Variants in CD37 observed in about 807,000 individuals in gnomAD.
CD37 encodes leukocyte antigen CD37.
CD37 carries 37 observed loss-of-function variants against 38.9 expected under a neutral mutation model. That is an observed-to-expected ratio of 0.95 (90% CI 0.73 to 1.25). The LOEUF (loss-of-function observed/expected upper bound fraction) is 1.25, where lower values mean the gene tolerates loss of function less well. CD37 is among the 50% of genes most tolerant of loss of function. The pLI is 0.00. For synonymous variants in CD37, 146 were observed against 150.1 expected (o/e 0.97, Z 0.20); for missense variants, 351 against 360.1 (o/e 0.97, Z 0.20).
rs1296002868 is a variant in CD37, at chr19:49,338,521, G to A, written c.448-179G>A. Among the ~76,000 whole-genome samples the A allele has an allele frequency of 6.6e-6, 1 of 151,754 alleles. No individual in the cohort carries two copies. Among genetic ancestry groups the A allele is most frequent in the African/African-American group, 2.4e-5 (1 of 41,280 alleles). On this transcript the variant is annotated intron_variant, in intron 5 of 7. Coordinates refer to ENST00000323906, the MANE Select transcript of CD37 (RefSeq NM_001774.3). This position sits in a 1 kb window ranked among gnomAD's most constrained non-coding sequence, Gnocchi z 5.0. ...CGTGACTCGTCTTTCCCAGCCCCATGTTCCCGTAATGTCCCCTGGCTCCGG... is the reference window on the plus strand; with the variant it reads ...CGTGACTCGTCTTTCCCAGCCCCATATTCCCGTAATGTCCCCTGGCTCCGG...
Position 49,335,897 on chromosome 19 carries a change from GC to G in CD37, c.142+112del. The G allele has an allele frequency of 6.9e-6, 6 of 864,848 alleles. No individual in the cohort carries two copies. Among genetic ancestry groups the G allele is most frequent in the Non-Finnish European group, 1.1e-5 (6 of 524,664 alleles). The allele number at this position is 864,848 out of a possible 1,614,324, so 53.6% of individuals were successfully genotyped here. A position where few individuals can be genotyped will look rare whatever the true frequency, so the allele number is the denominator to read the frequency against. On this transcript the variant is annotated intron_variant, in intron 2 of 7. Coordinates refer to ENST00000323906, the MANE Select transcript of CD37 (RefSeq NM_001774.3). This position sits in a 1 kb window ranked among gnomAD's most constrained non-coding sequence, Gnocchi z 4.6. ...GCCCTACTCTGCAGGCAGGCTACAG[GC>G]TCCCATCCACTGCTCACCGGAGGCT...
In CD37 at chr19:49,337,207, A is replaced by C. The variant is rs778766417; in HGVS notation, c.328A>C (p.Thr110Pro). ...GATCACCCTGGGAATCCTCATCTCC[A>C]CTCAGCGGGCCCAGGTGAGCTTCCT... ...TQITLGILIS[T>P]QRAQLERSLR... Residue 110 changes from threonine (T) to proline (P), a missense_variant, in exon 4 of 8, where the codon ACT becomes CCT. Thr to Pro is a conservative substitution (Grantham distance 38). Coordinates refer to ENST00000323906, the MANE Select transcript of CD37 (RefSeq NM_001774.3). 1.2e-6 allele frequency: 2 copies of C among 1,613,920 alleles called. No individual in the cohort carries two copies. The highest frequency in any genetic ancestry group is 1.7e-5 in the Admixed American group (1 of 59,986).
Position 49,336,894 on chromosome 19 carries a change from C to G in CD37, c.143-15C>G. The G allele has an allele frequency of 6.2e-7, 1 of 1,613,528 alleles. No homozygotes were observed. The highest frequency in any genetic ancestry group is 8.5e-7 in the Non-Finnish European group (1 of 1,179,608). On this transcript the variant is annotated splice_polypyrimidine_tract_variant and intron_variant, in intron 2 of 7. Transcript: ENST00000323906. ...GTGCCACACAGCTCATCATCACTCC[C>G]CTCACCTCTCCCAGGCTTGGCCTTC...
Position 49,338,889 on chromosome 19 carries a change from A to G in CD37, c.637A>G (p.Ser213Gly). Reference sequence around the variant, plus strand: ...TGGACACCTGGCGCGGTCCAGACACAGTGCAGACATCTGCGCTGTCCCTGC... The same window carrying G: ...TGGACACCTGGCGCGGTCCAGACACGGTGCAGACATCTGCGCTGTCCCTGC... ...RLGHLARSRH[S>G]ADICAVPAES... Residue 213 changes from serine to glycine, a missense_variant, in exon 6 of 8, where the codon AGT becomes GGT. Transcript: ENST00000323906. The surrounding 1 kb of genome is among the most constrained non-coding windows in gnomAD (Gnocchi z 5.0). 1 of 1,614,144 alleles carries G rather than the reference A, an allele frequency of 6.2e-7. No individual in the cohort carries two copies. Among genetic ancestry groups the G allele is most frequent in the Non-Finnish European group, 8.5e-7 (1 of 1,180,022 alleles).
intron 3 of CD37, 43 bp from the exon 4 acceptor site, chr19:49,337,104 G>T (rs376213637): frequency 3.1e-6 from 5 of 1,614,066 alleles, no homozygotes; most frequent in Non-Finnish European, 4.2e-6. Context: ...CTGGGCCGGG[G>T]TTGCAGGGGT....
chr19:49,339,490 T>G lies in CD37; in HGVS notation c.768+77T>G. The G allele has an allele frequency of 6.5e-7, 1 of 1,543,316 alleles. No individual in the cohort carries two copies. Among genetic ancestry groups the G allele is most frequent in the Non-Finnish European group, 8.9e-7 (1 of 1,127,114 alleles). The stretch of plus-strand genomic sequence containing the variant: ...CTGCCCTTCATTTCGCGTCCTTCGG[T>G]TGCCTGGGAAGGACGAGCTCAGGGC... On this transcript the variant is annotated intron_variant, in intron 7 of 7. Transcript: ENST00000323906. This position sits in a 1 kb window ranked among gnomAD's most constrained non-coding sequence, Gnocchi z 4.5.
rs763123502 is a variant in CD37 at position 49,339,449 on chromosome 19, A to G, written c.768+36A>G. 372 of 1,590,968 alleles carry G rather than the reference A, an allele frequency of 2.3e-4. No individual in the cohort carries two copies. The highest frequency in any genetic ancestry group is 3.1e-4 in the Non-Finnish European group (355 of 1,161,508). Reference sequence around the variant, plus strand: ...CCCGCCCCCACCCGCGATCGGCCCTAAATCCCTAGATGGCCCTGCCCTTCA... The same window carrying G: ...CCCGCCCCCACCCGCGATCGGCCCTGAATCCCTAGATGGCCCTGCCCTTCA... On this transcript the variant is annotated intron_variant, in intron 7 of 7. Coordinates refer to ENST00000323906, the MANE Select transcript of CD37 (RefSeq NM_001774.3). The surrounding 1 kb of genome is among the most constrained non-coding windows in gnomAD (Gnocchi z 4.5).
rs1971028583 is a variant in CD37, at chr19:49,338,088, G to A, written c.447+59G>A. 1 of 1,589,584 alleles carries A rather than the reference G, an allele frequency of 6.3e-7. No individual in the cohort carries two copies. Among genetic ancestry groups the A allele is most frequent in the Non-Finnish European group, 8.6e-7 (1 of 1,167,680 alleles). ...GACCCGCCTCAGCCCTGTGCTTGGAGGAGACTCCACCCCAACGTGGGCCCG... is the reference window on the plus strand; with the variant it reads ...GACCCGCCTCAGCCCTGTGCTTGGAAGAGACTCCACCCCAACGTGGGCCCG... On this transcript the variant is annotated intron_variant, in intron 5 of 7. Coordinates refer to ENST00000323906, the MANE Select transcript of CD37 (RefSeq NM_001774.3). The surrounding 1 kb of genome is among the most constrained non-coding windows in gnomAD (Gnocchi z 5.0).
chr19:49,336,972 T>C lies in CD37; in HGVS notation c.206T>C (p.Met69Thr), dbSNP rs1229446654. The C allele has an allele frequency of 6.2e-7, 1 of 1,614,084 alleles. No homozygotes were observed. Among genetic ancestry groups the C allele is most frequent in the African/African-American group, 1.3e-5 (1 of 74,950 alleles). The change falls in exon 3 of 8, where the codon ATG becomes ACG. Residue 69 changes from methionine (M) to threonine (T), a missense_variant. Physicochemically the swap from Met to Thr is moderately conservative, Grantham distance 81. Coordinates refer to ENST00000323906, the MANE Select transcript of CD37 (RefSeq NM_001774.3). Reference sequence around the variant, plus strand: ...CTGGCCATCTCAGGAATCTTCACCATGGGCATCGCCCTCCTGGGTTGTGTG... The same window carrying C: ...CTGGCCATCTCAGGAATCTTCACCACGGGCATCGCCCTCCTGGGTTGTGTG... ...KVLAISGIFTMGIALLGCVGA... is the reference protein window; with the variant it reads ...KVLAISGIFTTGIALLGCVGA...
Position 49,339,365 on chromosome 19 carries a change from C to T in CD37, c.720C>T (p.Asn240=). The change falls in exon 7 of 8, where the codon AAC becomes AAT. Residue 240 remains asparagine (N), a synonymous_variant. Coordinates refer to ENST00000323906, the MANE Select transcript of CD37 (RefSeq NM_001774.3). This position sits in a 1 kb window ranked among gnomAD's most constrained non-coding sequence, Gnocchi z 4.5. ...CAQGLQKWLH[N]NLISIVGICL... The stretch of plus-strand genomic sequence containing the variant: ...AGGGCCTCCAGAAGTGGCTGCACAA[C>T]AACCTTATTTCCATAGTGGGCATTT... 1.2e-6 allele frequency: 2 copies of T among 1,614,064 alleles called. No homozygotes were observed. The highest frequency in any genetic ancestry group is 1.7e-6 in the Non-Finnish European group (2 of 1,179,952).
Position 49,335,872 on chromosome 19 carries a change from G to A in CD37, c.142+86G>A. On this transcript the variant is annotated intron_variant, in intron 2 of 7. Transcript: ENST00000323906. This position sits in a 1 kb window ranked among gnomAD's most constrained non-coding sequence, Gnocchi z 4.6. Reference sequence around the variant, plus strand: ...CCCTTGTCTCAGGGAGACCTACGGTGCCCTACTCTGCAGGCAGGCTACAGG... The same window carrying A: ...CCCTTGTCTCAGGGAGACCTACGGTACCCTACTCTGCAGGCAGGCTACAGG... 1 of 1,093,370 alleles carries A rather than the reference G, an allele frequency of 9.1e-7. No homozygotes were observed. Among genetic ancestry groups the A allele is most frequent in the Non-Finnish European group, 1.4e-6 (1 of 717,484 alleles). The allele number at this position is 1,093,370 out of a possible 1,614,324, so 67.7% of individuals were successfully genotyped here.
rs1238617201 is a variant in CD37 at position 49,339,659 on chromosome 19, T to C, written c.768+246T>C. On this transcript the variant is annotated intron_variant, in intron 7 of 7. Coordinates refer to ENST00000323906, the MANE Select transcript of CD37 (RefSeq NM_001774.3). This position sits in a 1 kb window ranked among gnomAD's most constrained non-coding sequence, Gnocchi z 4.5. ...GATCTCCCTCCCCTTTCTCCGCAGATGACTGTCATGGTGCTGAGCGTACAG... is the reference window on the plus strand; with the variant it reads ...GATCTCCCTCCCCTTTCTCCGCAGACGACTGTCATGGTGCTGAGCGTACAG... 1.4e-6 allele frequency: 2 copies of C among 1,428,158 alleles called. No homozygotes were observed. Among genetic ancestry groups the C allele is most frequent in the South Asian group, 3.0e-5 (2 of 66,332 alleles). The allele number at this position is 1,428,158 out of a possible 1,614,324, so 88.5% of individuals were successfully genotyped here. A position where few individuals can be genotyped will look rare whatever the true frequency, so the allele number is the denominator to read the frequency against.
rs1971121530 is a variant in CD37 at position 49,339,598 on chromosome 19, G to A, written c.768+185G>A. 6 of 1,443,240 alleles carry A rather than the reference G, an allele frequency of 4.2e-6. No homozygotes were observed. In the Admixed American group the frequency reaches 1.7e-4, roughly 41 times the overall value. 89.4% of individuals were successfully genotyped at this position (1,443,240 alleles called of 1,614,324 possible). A position where few individuals can be genotyped will look rare whatever the true frequency, so the allele number is the denominator to read the frequency against. ...GGCCCAGCTTCAGGGAGCCCTGATT[G>A]GGTGTACGCAGGGAAAGCCTCCTGC... On this transcript the variant is annotated intron_variant, in intron 7 of 7. Coordinates refer to ENST00000323906, the MANE Select transcript of CD37 (RefSeq NM_001774.3). This position sits in a 1 kb window ranked among gnomAD's most constrained non-coding sequence, Gnocchi z 4.5.
In CD37 at chr19:49,339,724, G is replaced by T. The variant is rs776362564; in HGVS notation, c.768+311G>T. The T allele has an allele frequency of 1.4e-6, 2 of 1,400,868 alleles. No individual in the cohort carries two copies. The highest frequency in any genetic ancestry group is 1.8e-6 in the Non-Finnish European group (2 of 1,082,560). 86.8% of individuals were successfully genotyped at this position (1,400,868 alleles called of 1,614,324 possible). A position where few individuals can be genotyped will look rare whatever the true frequency, so the allele number is the denominator to read the frequency against. On this transcript the variant is annotated intron_variant, in intron 7 of 7. Coordinates refer to ENST00000323906, the MANE Select transcript of CD37 (RefSeq NM_001774.3). The surrounding 1 kb of genome is among the most constrained non-coding windows in gnomAD (Gnocchi z 4.5). Reference sequence around the variant, plus strand: ...ACTCCGCCGGAAATGCGAGCCGCACGTGCCGGGCGCTGGGGATTCGAGCCC... The same window carrying T: ...ACTCCGCCGGAAATGCGAGCCGCACTTGCCGGGCGCTGGGGATTCGAGCCC...
Position 49,339,655 on chromosome 19 carries a change from C to T in CD37, c.768+242C>T, listed in dbSNP as rs1190510262. On this transcript the variant is annotated intron_variant, in intron 7 of 7. Transcript: ENST00000323906. This position sits in a 1 kb window ranked among gnomAD's most constrained non-coding sequence, Gnocchi z 4.5. Reference sequence around the variant, plus strand: ...CTGCGATCTCCCTCCCCTTTCTCCGCAGATGACTGTCATGGTGCTGAGCGT... The same window carrying T: ...CTGCGATCTCCCTCCCCTTTCTCCGTAGATGACTGTCATGGTGCTGAGCGT... The T allele has an allele frequency of 2.8e-6, 4 of 1,428,820 alleles. No homozygotes were observed. In the African/African-American group the frequency reaches 4.3e-5, roughly 15 times the overall value. 88.5% of individuals were successfully genotyped at this position (1,428,820 alleles called of 1,614,324 possible). A position where few individuals can be genotyped will look rare whatever the true frequency, so the allele number is the denominator to read the frequency against.
intron 7 of CD37, 193 bp from the exon 8 acceptor site, chr19:49,340,058 C>T (rs914740125): frequency 1.3e-6 from 2 of 1,507,174 alleles, no homozygotes; most frequent in Middle Eastern, 1.9e-4. Flanking sequence ...CCACTTGTAG[C>T]AGCTATTCCC....
At chr19:49,337,479 G>C in intron 4 of CD37, 2 of 611,726 alleles carry the variant, frequency 3.3e-6, no homozygotes, top group Non-Finnish European at 5.4e-6. Flanking sequence ...AAAAAAATCC[G>C]GGTGTGATGG....
intron 7 of CD37, 61 bp from the exon 8 acceptor site, chr19:49,340,190 C>T: frequency 2.0e-6 from 3 of 1,509,624 alleles, no homozygotes; most frequent in Non-Finnish European, 1.8e-6. Flanking sequence ...CCCGGGTGGG[C>T]ATCACCCCCG....
rs187160689 is a variant in CD37 at position 49,335,815 on chromosome 19, C to G, written c.142+29C>G. 211 of 1,571,178 alleles carry G rather than the reference C, an allele frequency of 1.3e-4. No individual in the cohort carries two copies. In the African/African-American group the frequency reaches 1.4e-3, roughly 11 times the overall value. On this transcript the variant is annotated intron_variant, in intron 2 of 7. Coordinates refer to ENST00000323906, the MANE Select transcript of CD37 (RefSeq NM_001774.3). The surrounding 1 kb of genome is among the most constrained non-coding windows in gnomAD (Gnocchi z 4.6). ...AGGGGGGCTGGGGCAGGTGGGAGGG[C>G]CTCCCCCAACCCAAGCAACTTCCTG...
Sources: allele counts gnomAD v4.1 joint callset (sites outside exome capture counted in the v4.1 genomes callset), GRCh38; gene constraint gnomAD v4.1.1; non-coding constraint Gnocchi (gnomAD v3.1); transcripts MANE v1.5; gene names NCBI Gene and HGNC (gene_info 2026-07-23, HGNC 2026-07-21).